Variants in PCDHA4 observed in about 807,000 individuals in gnomAD.
PCDHA4 encodes the protein protocadherin alpha-4.
Under a neutral mutation model 61.4 loss-of-function variants are expected in PCDHA4, and 49 were observed. The ratio of observed to expected loss-of-function variants is 0.80; its 90% CI spans 0.63 to 1.01. PCDHA4 has a LOEUF of 1.01. Ranked by LOEUF, PCDHA4 falls within the 50% of genes least tolerant of loss-of-function variation. The pLI is 0.00. For synonymous variants in PCDHA4, 590 were observed against 550.3 expected, an observed-to-expected ratio of 1.07 and a Z score of -1.01; for missense variants, 1,254 against 1,235.8, an observed-to-expected ratio of 1.01 and a Z score of -0.22.
intron 1 of PCDHA4, chr5:140,860,410 A>T (rs2046380485): frequency 6.6e-6 from 1 of 152,082 alleles, no homozygotes; most frequent in Non-Finnish European, 1.5e-5. Context: ...AGCAATAGTA[A>T]CACCATTATC....
chr5:140,942,944 T>C (rs368380576), intron 1 of PCDHA4, among the ~76,000 whole-genome samples: 1 of 151,862 alleles, frequency 6.6e-6, no homozygotes, highest in African/African-American at 2.4e-5. Context: ...GTTTAAAGTG[T>C]AGACGTTCTG....
chr5:140,869,401 G>T, intron 1 of PCDHA4: 1 of 1,614,222 alleles, frequency 6.2e-7, no homozygotes, highest in South Asian at 1.1e-5. Flanking sequence ...CGGGCAGAGC[G>T]CGGAGTGCAG....
chr5:140,877,561 A>G (rs1582392588), intron 1 of PCDHA4: 1 of 1,613,748 alleles, frequency 6.2e-7, no homozygotes. Flanking sequence ...GGTGGATATT[A>G]ACGTGTACCT....
At chr5:140,829,581 G>T (rs143213882) in intron 1 of PCDHA4, 38 of 1,612,162 alleles carry the variant, frequency 2.4e-5, no homozygotes, top group African/African-American at 1.6e-4. Flanking sequence ...CTGGTGGAGC[G>T]GCGGGTGGGC....
intron 1 of PCDHA4, among the ~76,000 whole-genome samples, chr5:140,934,619 C>G (rs1403192448): frequency 1.3e-5 from 2 of 152,028 alleles, no homozygotes; most frequent in Non-Finnish European, 2.9e-5. Flanking sequence ...GCCTGAGGTA[C>G]AGTTCACACA....
At position 140,928,189 on chromosome 5, in the gene PCDHA4, G is replaced by GTGA. The variant is rs1321549982; in HGVS notation, c.2386-50758_2386-50757insATG. On this transcript the variant is annotated intron_variant, in intron 1 of 3. Transcript: ENST00000530339. The stretch of plus-strand genomic sequence containing the variant: ...ACTTAGCACCCGAAGGACAATCACT[G>GTGA]TGTCAGTTGCTGATGTGAATGACAA... 5 of 1,614,096 alleles carry GTGA rather than the reference G, an allele frequency of 3.1e-6. No homozygotes were observed. In the East Asian group the frequency reaches 8.9e-5, roughly 29 times the overall value.
intron 1 of PCDHA4, among the ~76,000 whole-genome samples, chr5:140,965,887 T>C (rs1357808186): frequency 6.6e-6 from 1 of 152,214 alleles, no homozygotes; most frequent in Non-Finnish European, 1.5e-5. Context: ...GAGAGCAGAA[T>C]TGAGTCTTGG....
At position 140,980,488 on chromosome 5, in the gene PCDHA4, G is replaced by A. The variant is rs372283383; in HGVS notation, c.2444+1481G>A. Among the ~76,000 whole-genome samples, 12 of 152,250 alleles carry A rather than the reference G, an allele frequency of 7.9e-5. No individual in the cohort carries two copies. The East Asian group carries it at 1.9e-3, about 25-fold the overall frequency. Reference sequence around the variant, plus strand: ...CTACTAAAAATACAAAAATTAGCTGGGCGTGATGGCATGTGCCTGTAGTTC... The same window carrying A: ...CTACTAAAAATACAAAAATTAGCTGAGCGTGATGGCATGTGCCTGTAGTTC... On this transcript the variant is annotated intron_variant, in intron 2 of 3. Transcript: ENST00000530339.
intron 1 of PCDHA4, chr5:140,848,634 C>A (rs1364235763): frequency 1.1e-5 from 17 of 1,593,322 alleles, no homozygotes; most frequent in Non-Finnish European, 1.5e-5. Context: ...CTTCGTGGGC[C>A]GCATCGCGCA....
chr5:140,842,355 A>G lies in PCDHA4; in HGVS notation c.2385+32783A>G, dbSNP rs2150334539. ...TTAGTGAGAATTTTGGATAAAAATG[A>G]TAACGTCCCTGAGATAGCACTGACT... On this transcript the variant is annotated intron_variant, in intron 1 of 3. Transcript: ENST00000530339. The G allele has an allele frequency of 9.3e-6, 15 of 1,607,494 alleles. 1 individual carries two copies. In the East Asian group the frequency reaches 3.1e-4, roughly 33 times the overall value.
chr5:140,841,503 C>T (rs2150316766), intron 1 of PCDHA4: 3 of 1,613,300 alleles, frequency 1.9e-6, no homozygotes, highest in African/African-American at 1.3e-5. Context: ...GAGCTGGTGC[C>T]GCGCCTGTTC....
At chr5:140,891,708 C>T (rs1422243783) in intron 1 of PCDHA4, among the ~76,000 whole-genome samples, 1 of 152,066 alleles carries the variant, frequency 6.6e-6, no homozygotes, top group Admixed American at 6.6e-5. Context: ...TGAATTTGTA[C>T]CCCCAAATTC....
chr5:140,883,447 C>A, intron 1 of PCDHA4: 1 of 1,614,168 alleles, frequency 6.2e-7, no homozygotes. Context: ...CGCCGCATGT[C>A]CCCTTCAAGC....
chr5:140,888,802 AGTGATCT>A (rs1418023292), intron 1 of PCDHA4, among the ~76,000 whole-genome samples: 2 of 152,088 alleles, frequency 1.3e-5, no homozygotes, highest in African/African-American at 4.8e-5. Flanking sequence ...GAGGTTGATC[AGTGATCT>A]GTGATCTGTG....
chr5:140,857,745 C>G, intron 1 of PCDHA4: 1 of 1,597,310 alleles, frequency 6.3e-7, no homozygotes, highest in Non-Finnish European at 8.6e-7. Context: ...GCGCTGCTGG[C>G]GTCTCCCGCT....
At chr5:140,940,822 A>G (rs1446773813) in intron 1 of PCDHA4, among the ~76,000 whole-genome samples, 9 of 152,200 alleles carry the variant, frequency 5.9e-5, no homozygotes, top group Admixed American at 3.9e-4. Context: ...GAGATCTTGG[A>G]TGGAAATACC....
chr5:140,832,741 C>A (rs1477110560), intron 1 of PCDHA4, among the ~76,000 whole-genome samples: 1 of 152,038 alleles, frequency 6.6e-6, no homozygotes, highest in Non-Finnish European at 1.5e-5. Flanking sequence ...TACATAAATA[C>A]GATGATAGTA....
chr5:140,862,343 A>G (rs1347322739), intron 1 of PCDHA4: 1 of 331,934 alleles, frequency 3.0e-6, no homozygotes, highest in Non-Finnish European at 5.9e-6. Flanking sequence ...CCCTAACTTC[A>G]GTGCCAAGGG....
rs2153793513 is a variant in PCDHA4, at chr5:140,972,346, C to T, written c.2386-6603C>T. Among the ~76,000 whole-genome samples, 6 of 151,468 alleles carry T rather than the reference C, an allele frequency of 4.0e-5. No homozygotes were observed. In the Middle Eastern group the frequency reaches 0.014, roughly 346 times the overall value. The stretch of plus-strand genomic sequence containing the variant: ...TTTTTTTTGGAAGAGATGGGGGTCT[C>T]ACTATGTTGCACATGCTGTTAGTAT... On this transcript the variant is annotated intron_variant, in intron 1 of 3. Transcript: ENST00000530339.
Sources: allele counts gnomAD v4.1 joint callset (sites outside exome capture counted in the v4.1 genomes callset), GRCh38; gene constraint gnomAD v4.1.1; transcripts MANE v1.5; gene names NCBI Gene and HGNC (gene_info 2026-07-23, HGNC 2026-07-21).